The following KAZN variants were observed in gnomAD, a reference collection of about 807,000 sequenced individuals.
KAZN encodes kazrin, periplakin interacting protein.
KAZN carries 40 observed loss-of-function variants against 87.4 expected under a neutral mutation model. That is an observed-to-expected ratio of 0.46 (90% CI 0.36 to 0.60). KAZN has a LOEUF of 0.60. Ranked by LOEUF, KAZN falls within the 20% of genes least tolerant of loss-of-function variation. The probability of loss-of-function intolerance (pLI) is 0.00; values close to 1 mark genes in which losing one functional copy is unlikely to be tolerated. For synonymous variants in KAZN, 466 were observed against 458.3 expected (o/e 1.02, Z -0.22); for missense variants, 898 against 1,073.9 (o/e 0.84, Z 2.29).
intron 1 of KAZN, among the ~76,000 whole-genome samples, chr1:14,944,601 A>G (rs929184363): frequency 1.1e-4 from 16 of 152,194 alleles, no homozygotes; most frequent in Non-Finnish European, 1.5e-4. Flanking sequence ...GGCCAGGGGC[A>G]AGGGGCAGGT....
At chr1:14,989,564 G>T (rs1174090273) in intron 2 of KAZN, among the ~76,000 whole-genome samples, 2 of 152,238 alleles carry the variant, frequency 1.3e-5, no homozygotes, top group African/African-American at 4.8e-5. Context: ...CATTGGAGGG[G>T]TTGAGACTGT....
rs116943693 is a variant in KAZN at position 13,913,707 on chromosome 1, T to C, written c.91+19951T>C. On this transcript the variant is annotated intron_variant, in intron 1 of 16. Coordinates refer to the KAZN transcript ENST00000636203. ...ATTCATTTAGGCCAAACAAGAAACC[T>C]TGGAGGGGGTGATCCTTTTTGAAGT... Among the ~76,000 whole-genome samples, 120 of 152,334 alleles carry C rather than the reference T, an allele frequency of 7.9e-4. 2 individuals carry two copies. In the East Asian group the frequency reaches 0.022, roughly 28 times the overall value.
At chr1:14,476,869 T>C (rs1270735678) in intron 2 of KAZN, among the ~76,000 whole-genome samples, 1 of 152,196 alleles carries the variant, frequency 6.6e-6, no homozygotes, top group African/African-American at 2.4e-5. Context: ...TGGCGATACC[T>C]TTTTGTTCTC....
At chr1:14,491,589 A>G (rs142072490) in intron 2 of KAZN, among the ~76,000 whole-genome samples, 5 of 152,296 alleles carry the variant, frequency 3.3e-5, no homozygotes, top group Admixed American at 2.0e-4. Context: ...ATTAAATATG[A>G]TGGTAGTTGC....
intron 2 of KAZN, among the ~76,000 whole-genome samples, chr1:14,421,269 T>C (rs981162312): frequency 6.6e-6 from 1 of 152,194 alleles, no homozygotes; most frequent in Non-Finnish European, 1.5e-5. Context: ...GAATGGTTCT[T>C]GAATAGTAGA....
intron 2 of KAZN, among the ~76,000 whole-genome samples, chr1:14,981,481 A>G (rs1347328926): frequency 6.6e-6 from 1 of 152,258 alleles, no homozygotes; most frequent in African/African-American, 2.4e-5. Context: ...GTGCTCTTCT[A>G]TCATTGAACA....
intron 8 of KAZN, among the ~76,000 whole-genome samples, chr1:15,083,686 G>GTC (rs76920574): frequency 0.04 from 6,158 of 152,124 alleles, 178 homozygotes; most frequent in Non-Finnish European, 0.061. Flanking sequence ...CTGTCTCTCT[G>GTC]TCTCTCTCTG....
chr1:14,542,961 G>T (rs1450958313), intron 2 of KAZN, among the ~76,000 whole-genome samples: 1 of 146,810 alleles, frequency 6.8e-6, no homozygotes, highest in East Asian at 2.2e-4. Flanking sequence ...TGGAAAAGAT[G>T]GAAGGAATGG....
intron 1 of KAZN, among the ~76,000 whole-genome samples, chr1:14,093,325 C>A (rs1024480788): frequency 6.6e-6 from 1 of 152,190 alleles, no homozygotes; most frequent in African/African-American, 2.4e-5. Context: ...GGACCACCAA[C>A]CCCTGTGCTA....
At chr1:14,366,562 G>T (rs1463076204) in intron 2 of KAZN, among the ~76,000 whole-genome samples, 1 of 152,224 alleles carries the variant, frequency 6.6e-6, no homozygotes, top group Non-Finnish European at 1.5e-5. Flanking sequence ...CAAACTTGCT[G>T]CACTTAACCC....
At chr1:14,685,372 G>A (rs1640893788) in intron 1 of KAZN, among the ~76,000 whole-genome samples, 1 of 152,208 alleles carries the variant, frequency 6.6e-6, no homozygotes, top group Non-Finnish European at 1.5e-5. Context: ...CTGGTCTGAT[G>A]TACAGGTGGC....
intron 1 of KAZN, among the ~76,000 whole-genome samples, chr1:13,941,306 C>T (rs184263876): frequency 2.4e-4 from 37 of 152,376 alleles, no homozygotes; most frequent in African/African-American, 8.9e-4. Context: ...CTCACACACT[C>T]TTTCAAACAG....
chr1:13,967,138 T>A (rs145633164), intron 1 of KAZN, among the ~76,000 whole-genome samples: 2 of 152,328 alleles, frequency 1.3e-5, no homozygotes, highest in East Asian at 3.9e-4. Flanking sequence ...CTTTTTATTT[T>A]GCAGTCATTA....
At chr1:14,738,539 C>T (rs1431072177) in intron 1 of KAZN, among the ~76,000 whole-genome samples, 1 of 152,106 alleles carries the variant, frequency 6.6e-6, no homozygotes. Flanking sequence ...GCTGTTCATT[C>T]AGGGAGGCAA....
chr1:14,148,775 A>G (rs1340148013), intron 1 of KAZN, among the ~76,000 whole-genome samples: 2 of 152,158 alleles, frequency 1.3e-5, no homozygotes, highest in Non-Finnish European at 1.5e-5. Flanking sequence ...GGTGGCACCA[A>G]CCATTATGCT....
intron 1 of KAZN, among the ~76,000 whole-genome samples, chr1:14,929,567 A>G (rs1010744974): frequency 1.3e-5 from 2 of 152,196 alleles, no homozygotes; most frequent in African/African-American, 4.8e-5. Flanking sequence ...ACGTCAGCAC[A>G]TTTGCATGTA....
At chr1:14,671,803 C>T (rs1639933273) in intron 1 of KAZN, among the ~76,000 whole-genome samples, 1 of 152,080 alleles carries the variant, frequency 6.6e-6, no homozygotes, top group Admixed American at 6.5e-5. Flanking sequence ...AAGTTCTTGC[C>T]CCGTATTTTT....
chr1:15,112,852 C>A (rs1305707196), intron 14 of KAZN: 2 of 251,316 alleles, frequency 8.0e-6, no homozygotes, highest in African/African-American at 4.4e-5. Flanking sequence ...ACCTTGGTCT[C>A]CTGGAAAAGG....
At chr1:14,336,706 A>C (rs987617882) in intron 2 of KAZN, among the ~76,000 whole-genome samples, 7 of 152,218 alleles carry the variant, frequency 4.6e-5, no homozygotes, top group African/African-American at 1.7e-4. Context: ...TCTCATGACT[A>C]ATGATGTTGA....
Sources: gnomAD v4.1 joint callset for allele counts (sites outside exome capture counted in the v4.1 genomes callset) on GRCh38, gnomAD v4.1.1 for gene constraint, MANE v1.5 for transcripts, NCBI Gene and HGNC (gene_info 2026-07-23, HGNC 2026-07-21) for gene names.